PCDHA10: variants seen among roughly 807,000 people sequenced by gnomAD.
PCDHA10 encodes the protein protocadherin alpha 10.
In PCDHA10, 45 loss-of-function variants were observed where a neutral mutation model predicts 61.2. That is an observed-to-expected ratio of 0.74 (90% CI 0.58 to 0.94). The LOEUF (loss-of-function observed/expected upper bound fraction) is 0.94, where lower values mean the gene tolerates loss of function less well. Ranked by LOEUF, PCDHA10 falls within the 40% of genes least tolerant of loss-of-function variation. The pLI is 0.00. For synonymous variants in PCDHA10, 602 were observed against 548.8 expected, an observed-to-expected ratio of 1.10 and a Z score of -1.35; for missense variants, 1,278 against 1,236.2, an observed-to-expected ratio of 1.03 and a Z score of -0.51.
intron 1 of PCDHA10, among the ~76,000 whole-genome samples, chr5:140,953,720 G>C (rs2094928996): frequency 6.6e-6 from 1 of 152,068 alleles, no homozygotes; most frequent in African/African-American, 2.4e-5. Flanking sequence ...CAGACATTGT[G>C]TTTTGAAATT....
At position 141,011,769 on chromosome 5, in the gene PCDHA10, A is replaced by C. The variant is rs2098421803; in HGVS notation, c.*1832A>C. 1 of 153,794 alleles carries C rather than the reference A, an allele frequency of 6.5e-6. No homozygotes were observed. The highest frequency in any genetic ancestry group is 1.5e-5 in the Non-Finnish European group (1 of 68,040). 9.5% of individuals were successfully genotyped at this position (153,794 alleles called of 1,614,324 possible). On this transcript the variant is annotated 3_prime_UTR_variant, in exon 4 of 4. Coordinates refer to ENST00000307360, the MANE Select transcript of PCDHA10 (RefSeq NM_018901.4). ...AATCTGACCTCTTTGAAGTTGCAGA[A>C]TGCTTTGAAATTCTAATGGTATCTG... is the stretch of plus-strand genomic sequence containing the variant.
chr5:140,870,732 T>G (rs782731773), intron 1 of PCDHA10: 27 of 1,613,288 alleles, frequency 1.7e-5, no homozygotes, highest in African/African-American at 2.7e-5. Flanking sequence ...GCGTGCCGCC[T>G]CTGAGCAGCA....
At chr5:140,882,607 T>C (rs1313419888) in intron 1 of PCDHA10, 35 of 1,614,242 alleles carry the variant, frequency 2.2e-5, no homozygotes, top group Non-Finnish European at 3.0e-5. Flanking sequence ...TGGACAGGCC[T>C]CTGCAGGTTT....
intron 1 of PCDHA10, chr5:140,966,883 T>A (rs155364): frequency 0.52 from 832,487 of 1,587,228 alleles, 220,297 homozygotes; most frequent in African/African-American, 0.71. Flanking sequence ...TACCTGGCCC[T>A]GCGGCCTCCC....
intron 3 of PCDHA10, among the ~76,000 whole-genome samples, chr5:140,989,348 G>A (rs1455202093): frequency 6.6e-6 from 1 of 152,196 alleles, no homozygotes; most frequent in African/African-American, 2.4e-5. Context: ...GCTCAAAGGT[G>A]ATAGGTCACC....
At position 141,010,922 on chromosome 5, in the gene PCDHA10, A is replaced by G. The variant is rs1263879494; in HGVS notation, c.*985A>G. The G allele has an allele frequency of 5.2e-5, 8 of 153,814 alleles. No homozygotes were observed. Among genetic ancestry groups the G allele is most frequent in the African/African-American group, 1.9e-4 (8 of 41,474 alleles). The allele number at this position is 153,814 out of a possible 1,614,324, so 9.5% of individuals were successfully genotyped here. A position where few individuals can be genotyped will look rare whatever the true frequency, so the allele number is the denominator to read the frequency against. ...TTCCCCTAAACTCTCCTCAAAAGAG[A>G]ATTCAGTCTACAGCCATTTAAATGA... On this transcript the variant is annotated 3_prime_UTR_variant, in exon 4 of 4. Transcript: ENST00000307360.
At chr5:140,929,209 G>T in intron 1 of PCDHA10, 1 of 1,614,054 alleles carries the variant, frequency 6.2e-7, no homozygotes, top group Non-Finnish European at 8.5e-7. Context: ...GCTGTTGCGT[G>T]GGGAGTACAA....
intron 1 of PCDHA10, chr5:140,876,994 G>C (rs375771604): frequency 3.7e-6 from 6 of 1,612,620 alleles, no homozygotes; most frequent in South Asian, 1.1e-5. Context: ...GTCGAGCTAC[G>C]TGTCGGTGCA....
At position 140,857,806 on chromosome 5, in the gene PCDHA10, G is replaced by A. The variant is rs1554150689; in HGVS notation, c.1758G>A (p.Ala586=). ...VSELVLRSVV[A]GHVVAKVRAV... The stretch of plus-strand genomic sequence containing the variant: ...AGCTGGTGCTGCGGTCGGTGGTTGC[G>A]GGTCACGTGGTGGCTAAGGTGCGCG... Residue 586 remains alanine, a synonymous_variant, in exon 1 of 4, where the codon GCG becomes GCA. Coordinates refer to ENST00000307360, the MANE Select transcript of PCDHA10 (RefSeq NM_018901.4). The A allele has an allele frequency of 1.3e-6, 2 of 1,597,702 alleles. No homozygotes were observed. Among genetic ancestry groups the A allele is most frequent in the African/African-American group, 1.3e-5 (1 of 74,374 alleles).
chr5:140,967,691 A>G (rs1586235214), intron 1 of PCDHA10: 1 of 1,614,162 alleles, frequency 6.2e-7, no homozygotes, highest in East Asian at 2.2e-5. Flanking sequence ...GCAGCTCTTC[A>G]GCATAGATGC....
At chr5:140,988,503 GAA>G (rs2097300771) in intron 3 of PCDHA10, among the ~76,000 whole-genome samples, 1 of 152,152 alleles carries the variant, frequency 6.6e-6, no homozygotes, top group Non-Finnish European at 1.5e-5. Flanking sequence ...GAGAAGCCAT[GAA>G]GCTTACTTAA....
intron 1 of PCDHA10, among the ~76,000 whole-genome samples, chr5:140,925,742 AAG>A (rs1403200881): frequency 2.0e-5 from 3 of 151,862 alleles, no homozygotes; most frequent in South Asian, 4.2e-4. Context: ...TATTTACAGA[AAG>A]AAAATTTACA....
At chr5:140,868,935 G>A in intron 1 of PCDHA10, 1 of 1,171,026 alleles carries the variant, frequency 8.5e-7, no homozygotes, top group South Asian at 1.6e-5. Flanking sequence ...TTAAAGGTTG[G>A]TCTGAACAGT....
intron 1 of PCDHA10, among the ~76,000 whole-genome samples, chr5:140,906,332 T>C (rs2072570393): frequency 6.6e-6 from 1 of 152,186 alleles, no homozygotes; most frequent in Non-Finnish European, 1.5e-5. Context: ...CAACTATCCT[T>C]CATACAACCA....
chr5:140,954,433 T>C (rs1554221415), intron 1 of PCDHA10, among the ~76,000 whole-genome samples: 2 of 151,820 alleles, frequency 1.3e-5, no homozygotes, highest in African/African-American at 4.8e-5. Flanking sequence ...TCTCCATCTG[T>C]TGTTTCTGGA....
chr5:140,869,252 A>G (rs1204781858), intron 1 of PCDHA10: 2 of 1,613,490 alleles, frequency 1.2e-6, no homozygotes, highest in African/African-American at 2.7e-5. Flanking sequence ...CGCATCGCGC[A>G]GGACCTGGGG....
At chr5:140,900,713 G>A (rs1367112592) in intron 1 of PCDHA10, among the ~76,000 whole-genome samples, 1 of 152,194 alleles carries the variant, frequency 6.6e-6, no homozygotes, top group Non-Finnish European at 1.5e-5. Context: ...TGGAAAGAAA[G>A]GAAATCCTAC....
chr5:140,882,918 G>A (rs1554176085), intron 1 of PCDHA10: 1 of 1,614,186 alleles, frequency 6.2e-7, no homozygotes, highest in South Asian at 1.1e-5. Context: ...GCCAGTGATG[G>A]AGGTAAACCC....
At chr5:141,003,368 G>C (rs2098121009) in intron 3 of PCDHA10, among the ~76,000 whole-genome samples, 1 of 152,190 alleles carries the variant, frequency 6.6e-6, no homozygotes, top group Non-Finnish European at 1.5e-5. Flanking sequence ...CTGGAGTGCA[G>C]TGGTGCAATC....
Sources: gnomAD v4.1 joint callset for allele counts (sites outside exome capture counted in the v4.1 genomes callset) on GRCh38, gnomAD v4.1.1 for gene constraint, MANE v1.5 for transcripts, NCBI Gene and HGNC (gene_info 2026-07-23, HGNC 2026-07-21) for gene names.